Variants in ATRN observed in about 807,000 individuals in gnomAD.
The protein encoded by ATRN is attractin, also known as attractin-2.
A neutral mutation model predicts 178.7 loss-of-function variants in ATRN; 54 were observed. The ratio of observed to expected loss-of-function variants is 0.30; its 90% CI spans 0.24 to 0.38. ATRN has a LOEUF of 0.38. ATRN is among the 10% of genes least tolerant of loss of function. The probability of loss-of-function intolerance (pLI) is 1.00; values close to 1 mark genes in which losing one functional copy is unlikely to be tolerated. For missense variants in ATRN, 1,443 were observed against 1,815.1 expected, an observed-to-expected ratio of 0.79 and a Z score of 3.73; for synonymous variants, 636 against 663.0, an observed-to-expected ratio of 0.96 and a Z score of 0.63.
intron 1 of ATRN, among the ~76,000 whole-genome samples, chr20:3,492,978 AAT>A (rs2084825687): frequency 6.8e-6 from 1 of 146,694 alleles, no homozygotes; most frequent in African/African-American, 2.5e-5. Flanking sequence ...CTATATAGAT[AAT>A]ATATAATTAT....
intron 10 of ATRN, among the ~76,000 whole-genome samples, chr20:3,564,505 A>G (rs1328793046): frequency 6.6e-6 from 1 of 152,230 alleles, no homozygotes; most frequent in Non-Finnish European, 1.5e-5. Flanking sequence ...TTGGCATGGT[A>G]TAGCAGCACC....
At chr20:3,575,697 A>G in intron 12 of ATRN, 130 bp from the exon 13 acceptor site, 1 of 1,030,088 alleles carries the variant, frequency 9.7e-7, no homozygotes, top group South Asian at 1.8e-5. Flanking sequence ...AACATACCAA[A>G]TATATTTTCC....
intron 6 of ATRN, among the ~76,000 whole-genome samples, chr20:3,558,926 T>TG: frequency 6.6e-6 from 1 of 152,330 alleles, no homozygotes; most frequent in Middle Eastern, 3.4e-3. Flanking sequence ...AATGCTATAA[T>TG]GGTATTCTGG....
At chr20:3,610,288 G>A (rs1164844760) in intron 24 of ATRN, among the ~76,000 whole-genome samples, 1 of 152,152 alleles carries the variant, frequency 6.6e-6, no homozygotes, top group Non-Finnish European at 1.5e-5. Context: ...CAATGTTAAG[G>A]CTTACTATTT....
chr20:3,523,200 C>A (rs1168060098), intron 1 of ATRN, among the ~76,000 whole-genome samples: 1 of 151,590 alleles, frequency 6.6e-6, no homozygotes, highest in Non-Finnish European at 1.5e-5. Context: ...ACTAGAATAA[C>A]CAGTTTAGAG....
chr20:3,475,723 T>C (rs908957724), intron 1 of ATRN, among the ~76,000 whole-genome samples: 1 of 152,220 alleles, frequency 6.6e-6, no homozygotes, highest in Non-Finnish European at 1.5e-5. Context: ...AGAAAATGTT[T>C]GGGAGAATTG....
intron 3 of ATRN, among the ~76,000 whole-genome samples, chr20:3,544,732 T>TA (rs2085673861): frequency 6.6e-6 from 1 of 152,124 alleles, no homozygotes; most frequent in Non-Finnish European, 1.5e-5. Flanking sequence ...TCTGTATTGA[T>TA]ACGATTTCAA....
intron 25 of ATRN, among the ~76,000 whole-genome samples, chr20:3,626,109 G>A (rs1409380491): frequency 6.6e-6 from 1 of 152,052 alleles, no homozygotes; most frequent in Non-Finnish European, 1.5e-5. Context: ...GCGCAAGCCT[G>A]TAGTCCCAGC....
chr20:3,583,970 G>T lies in ATRN; in HGVS notation c.2837G>T (p.Ser946Ile). ...GCATGTGGAGATTGCACCAGCGGCA[G>T]CTCTGAGTGCATGTGGTGCAGCAAC... ...RTACGDCTSG[S>I]SECMWCSNMK... Residue 946 changes from serine to isoleucine, a missense_variant, in exon 17 of 29, where the codon AGC becomes ATC. Coordinates refer to ENST00000262919, the MANE Select transcript of ATRN (RefSeq NM_139321.3). The T allele has an allele frequency of 6.2e-7, 1 of 1,614,202 alleles. No homozygotes were observed. Among genetic ancestry groups the T allele is most frequent in the Non-Finnish European group, 8.5e-7 (1 of 1,180,036 alleles).
chr20:3,600,961 G>A lies in ATRN; in HGVS notation c.3580G>A (p.Asp1194Asn). The A allele has an allele frequency of 1.9e-6, 3 of 1,613,582 alleles. No homozygotes were observed. The South Asian group carries it at 3.3e-5, about 18-fold the overall frequency. Residue 1194 changes from aspartate to asparagine, a missense_variant, in exon 23 of 29, where the codon GAC becomes AAC. By Grantham distance (23) the Asp-to-Asn change is conservative. Around this residue, in one of 4 missense-constraint regions of ATRN, gnomAD observed 289 missense variants for 440.8 expected, o/e 0.66. Coordinates refer to ENST00000262919, the MANE Select transcript of ATRN (RefSeq NM_139321.3). ...ATPDEQNRDL[D>N]MFINASKNFN... ...CGCTCATCAGCAAAACAGGGATTTG[G>A]ACATGTTCATCAATGCCTCCAAGAA...
chr20:3,562,567 G>A lies in ATRN; in HGVS notation c.1631+108G>A, dbSNP rs1030763473. The A allele has an allele frequency of 8.1e-5, 91 of 1,127,492 alleles. No individual in the cohort carries two copies. In the East Asian group the frequency reaches 2.2e-3, roughly 27 times the overall value. The allele number at this position is 1,127,492 out of a possible 1,614,324, so 69.8% of individuals were successfully genotyped here. On this transcript the variant is annotated intron_variant, in intron 9 of 28. Coordinates refer to ENST00000262919, the MANE Select transcript of ATRN (RefSeq NM_139321.3). ...GTTTTCATGCCTGGCAGATAATTCT[G>A]TTCGGCATTATATATAGAGAAATTG...
At chr20:3,476,332 C>A (rs1343841658) in intron 1 of ATRN, among the ~76,000 whole-genome samples, 1 of 152,146 alleles carries the variant, frequency 6.6e-6, no homozygotes, top group East Asian at 1.9e-4. Context: ...TTGTCTAATG[C>A]CCAAACCTGT....
chr20:3,510,671 T>C (rs984643976), intron 1 of ATRN, among the ~76,000 whole-genome samples: 1 of 152,222 alleles, frequency 6.6e-6, no homozygotes, highest in Admixed American at 6.5e-5. Context: ...GAAGGGGTGT[T>C]CTTCTTAGAT....
chr20:3,606,937 C>G (rs915598391), intron 24 of ATRN, among the ~76,000 whole-genome samples: 2 of 152,146 alleles, frequency 1.3e-5, no homozygotes, highest in African/African-American at 4.8e-5. Context: ...CTTGGTAGCT[C>G]TCTCCTGTAA....
chr20:3,537,419 A>G (rs1201584407), intron 2 of ATRN, among the ~76,000 whole-genome samples: 1 of 152,148 alleles, frequency 6.6e-6, no homozygotes, highest in African/African-American at 2.4e-5. Flanking sequence ...AACAGTTGCA[A>G]AAGTGGTTTT....
chr20:3,575,110 C>T (rs755497047), intron 12 of ATRN, among the ~76,000 whole-genome samples: 18 of 152,110 alleles, frequency 1.2e-4, no homozygotes, highest in Non-Finnish European at 2.1e-4. Flanking sequence ...ATTACAGGAA[C>T]GCGCCACTAT....
rs368356004 is a variant in ATRN at position 3,612,713 on chromosome 20, AATTT to A, written c.3801+8461_3801+8464del. On this transcript the variant is annotated intron_variant, in intron 24 of 28. Coordinates refer to ENST00000262919, the MANE Select transcript of ATRN (RefSeq NM_139321.3). ...ACTTGATTAGGGTTCTAGTAAATAA[AATTT>A]ATTTATTTACTCATTTTAAGTTGAG... 2.9e-3 allele frequency among the ~76,000 whole-genome samples: 443 copies of A among 152,246 alleles called. 2 individuals carry two copies. Among genetic ancestry groups the A allele is most frequent in the African/African-American group, 0.01 (430 of 41,540 alleles).
intron 10 of ATRN, among the ~76,000 whole-genome samples, chr20:3,564,603 T>C (rs749405931): frequency 3.3e-4 from 50 of 152,246 alleles, no homozygotes; most frequent in Non-Finnish European, 6.6e-4. Context: ...GAAAGGACTT[T>C]GTAAAAATTA....
At chr20:3,614,296 G>A (rs2086808739) in intron 24 of ATRN, among the ~76,000 whole-genome samples, 1 of 152,168 alleles carries the variant, frequency 6.6e-6, no homozygotes, top group South Asian at 2.1e-4. Context: ...TAGTTTGGGG[G>A]CGTGGGCGGT....
Sources: allele counts gnomAD v4.1 joint callset (sites outside exome capture counted in the v4.1 genomes callset), GRCh38; gene constraint gnomAD v4.1.1; regional missense constraint gnomAD v4.1.1; transcripts MANE v1.5; gene names NCBI Gene and HGNC (gene_info 2026-07-23, HGNC 2026-07-21).